Variants in SHROOM2 observed in about 807,000 individuals in gnomAD.
SHROOM2 encodes protein Shroom2.
SHROOM2 carries 33 observed loss-of-function variants against 75.9 expected under a neutral mutation model. The ratio of observed to expected loss-of-function variants is 0.43; its 90% CI spans 0.33 to 0.58. SHROOM2 has a LOEUF of 0.58. Among genes scored for constraint, SHROOM2 ranks in the 20% least tolerant of loss-of-function variants. The pLI, the probability that SHROOM2 is intolerant of heterozygous loss-of-function variation, is 0.04. For missense variants in SHROOM2, 1,434 were observed against 1,461.2 expected (o/e 0.98, Z 0.30); for synonymous variants, 655 against 663.6 (o/e 0.99, Z 0.20).
Position 9,937,470 on chromosome X carries a change from G to C in SHROOM2, c.3924G>C (p.Glu1308Asp), listed in dbSNP as rs755254589. 3 of 1,209,770 alleles carry C rather than the reference G, an allele frequency of 2.5e-6. No individual in the cohort carries two copies. Among genetic ancestry groups the C allele is most frequent in the Non-Finnish European group, 3.4e-6 (3 of 895,082 alleles). Residue 1308 changes from glutamate to aspartate, a missense_variant, in exon 7 of 10, where the codon GAG becomes GAC. Coordinates refer to ENST00000380913, the MANE Select transcript of SHROOM2 (RefSeq NM_001649.4). ...PPGLSYMKAK[E>D]KTVEDLKSEE... ...GGCTCAGCTACATGAAGGCCAAAGAGAAGACTGTGGAAGACCTGAAGTCGG... is the reference window on the plus strand; with the variant it reads ...GGCTCAGCTACATGAAGGCCAAAGACAAGACTGTGGAAGACCTGAAGTCGG...
At position 9,890,947 on chromosome X, in the gene SHROOM2, AC is replaced by A. The variant is rs762886190; in HGVS notation, c.318-24del. ...GAGTGAGCGCTGTGTGCAGTCCCTG[AC>A]CCCCCGCCTCCCCTGCGTTCTTTTC... On this transcript the variant is annotated intron_variant, in intron 2 of 9. Transcript: ENST00000380913. 7.7e-6 allele frequency: 9 copies of A among 1,174,033 alleles called. No individual in the cohort carries two copies. The African/African-American group carries it at 1.4e-4, about 19-fold the overall frequency.
chrX:9,942,831 G>A (rs924541797), intron 8 of SHROOM2, among the ~76,000 whole-genome samples: 3 of 111,306 alleles, frequency 2.7e-5, no homozygotes, highest in African/African-American at 9.8e-5. Flanking sequence ...CTAACAGACC[G>A]AGGAGAAAGC....
intron 2 of SHROOM2, among the ~76,000 whole-genome samples, chrX:9,880,080 C>T (rs998449507): frequency 4.5e-5 from 5 of 111,980 alleles, no homozygotes; most frequent in Non-Finnish European, 9.4e-5. Context: ...AGAGCAGACT[C>T]TGGGAATGTC....
At chrX:9,820,489 C>G (rs2083848056) in intron 1 of SHROOM2, among the ~76,000 whole-genome samples, 1 of 111,076 alleles carries the variant, frequency 9.0e-6, no homozygotes, top group Non-Finnish European at 1.9e-5. Flanking sequence ...CTCAGCCCTC[C>G]CAAGTAGCTG....
chrX:9,800,945 A>G (rs1358933212), intron 1 of SHROOM2, among the ~76,000 whole-genome samples: 1 of 111,256 alleles, frequency 9.0e-6, no homozygotes, highest in Non-Finnish European at 1.9e-5. Flanking sequence ...GATCCTGCCT[A>G]TTTTCCACCC....
At chrX:9,793,605 T>A (rs977478661) in intron 1 of SHROOM2, among the ~76,000 whole-genome samples, 2 of 110,711 alleles carry the variant, frequency 1.8e-5, no homozygotes, top group Non-Finnish European at 3.8e-5. Flanking sequence ...TTCCACTCTT[T>A]TTCATTGCTC....
intron 5 of SHROOM2, among the ~76,000 whole-genome samples, chrX:9,904,009 T>A (rs1189591100): frequency 9.0e-6 from 1 of 110,846 alleles, no homozygotes; most frequent in Non-Finnish European, 1.9e-5. Context: ...GGTGATAGTT[T>A]ATGGTTACAG....
intron 1 of SHROOM2, among the ~76,000 whole-genome samples, chrX:9,813,579 AG>A (rs1348140829): frequency 8.9e-6 from 1 of 111,828 alleles, no homozygotes; most frequent in East Asian, 2.8e-4. Context: ...TCCTTCCTCA[AG>A]GGGACCTGGC....
intron 5 of SHROOM2, among the ~76,000 whole-genome samples, chrX:9,908,073 C>T (rs2084401181): frequency 1.8e-5 from 2 of 112,564 alleles, no homozygotes; most frequent in African/African-American, 3.2e-5. Flanking sequence ...TGTAATAGTT[C>T]GCGATTATCT....
At chrX:9,868,427 G>T (rs1454846644) in intron 1 of SHROOM2, among the ~76,000 whole-genome samples, 1 of 109,146 alleles carries the variant, frequency 9.2e-6, no homozygotes, top group Admixed American at 9.9e-5. Flanking sequence ...TGTATTTTTA[G>T]TAGAGATGGG....
In SHROOM2 at chrX:9,920,571, T is replaced by C. The variant is rs190934300; in HGVS notation, c.2892-11604T>C. 1.1e-4 allele frequency among the ~76,000 whole-genome samples: 12 copies of C among 112,664 alleles called. No individual in the cohort carries two copies. In the East Asian group the frequency reaches 2.5e-3, roughly 23 times the overall value. ...ACTATTATTGAGGTAAATGAAAATG[T>C]CTGCCACAGTAAGATAGTATTTATC... On this transcript the variant is annotated intron_variant, in intron 5 of 9. Transcript: ENST00000380913.
chrX:9,807,900 A>T (rs772600546), intron 1 of SHROOM2, among the ~76,000 whole-genome samples: 1 of 111,038 alleles, frequency 9.0e-6, no homozygotes, highest in African/African-American at 3.3e-5. Flanking sequence ...TGTCAAGGGG[A>T]GGTCAGAGAG....
intron 6 of SHROOM2, among the ~76,000 whole-genome samples, chrX:9,934,677 CTG>C (rs1037565425): frequency 1.8e-5 from 2 of 111,732 alleles, no homozygotes; most frequent in African/African-American, 6.5e-5. Flanking sequence ...GAAGTCAAGA[CTG>C]TTTTTAAGAA....
At chrX:9,935,067 C>G (rs753200040) in intron 6 of SHROOM2, among the ~76,000 whole-genome samples, 123 of 111,476 alleles carry the variant, frequency 1.1e-3, no homozygotes, top group Non-Finnish European at 1.8e-3. Flanking sequence ...GCCACTGGGC[C>G]CAGCCTCTTT....
chrX:9,821,599 G>A (rs909505412), intron 1 of SHROOM2, among the ~76,000 whole-genome samples: 1 of 112,241 alleles, frequency 8.9e-6, no homozygotes, highest in Non-Finnish European at 1.9e-5. Flanking sequence ...CCTGTTGGTT[G>A]TAATAAATAT....
intron 1 of SHROOM2, among the ~76,000 whole-genome samples, chrX:9,790,386 A>C (rs1288821307): frequency 1.8e-5 from 2 of 112,046 alleles, no homozygotes; most frequent in Non-Finnish European, 1.9e-5. Flanking sequence ...CTCTTTGTGA[A>C]ATATCAGTAA....
At chrX:9,916,468 G>T (rs149730187) in intron 5 of SHROOM2, among the ~76,000 whole-genome samples, 1 of 111,637 alleles carries the variant, frequency 9.0e-6, no homozygotes, top group Admixed American at 9.5e-5. Context: ...GATTTCCTTC[G>T]GATAAAATTC....
chrX:9,804,330 C>T (rs1407392036), intron 1 of SHROOM2, among the ~76,000 whole-genome samples: 3 of 112,088 alleles, frequency 2.7e-5, no homozygotes, highest in Non-Finnish European at 1.9e-5. Flanking sequence ...GAGACAACAG[C>T]TTGGATGCAA....
At position 9,873,746 on chromosome X, in the gene SHROOM2, A is replaced by T. The variant is rs2084183739; in HGVS notation, c.260A>T (p.Gln87Leu). Residue 87 changes from glutamine (Q) to leucine (L), a missense_variant, in exon 2 of 10, where the codon CAG (glutamine) becomes CTG (leucine). Gln to Leu is a moderately radical substitution (Grantham distance 113). Around this residue, in one of 3 missense-constraint regions of SHROOM2, gnomAD observed 1,340 missense variants for 1,338.3 expected, o/e 1.00. Transcript: ENST00000380913. ...GACATTGGTCTCTCAGGGTTTAGAC[A>T]GGAAGCGATTTGCCTGGTGAAGGGG... is the stretch of plus-strand genomic sequence containing the variant. ...INDIGLSGFR[Q>L]EAICLVKGSH... is the part of the protein sequence containing the mutation. The T allele has an allele frequency of 4.1e-6, 5 of 1,209,782 alleles. No individual in the cohort carries two copies. The Admixed American group carries it at 1.1e-4, about 26-fold the overall frequency.
Sources: allele counts gnomAD v4.1 joint callset (sites outside exome capture counted in the v4.1 genomes callset), GRCh38; gene constraint gnomAD v4.1.1; regional missense constraint gnomAD v4.1.1; transcripts MANE v1.5; gene names NCBI Gene and HGNC (gene_info 2026-07-23, HGNC 2026-07-21).